ARSK: variants seen among roughly 807,000 people sequenced by gnomAD.
ARSK encodes the protein arylsulfatase family member K, also known as arylsulfatase K.
A neutral mutation model predicts 53.2 loss-of-function variants in ARSK; 37 were observed. The ratio of observed to expected loss-of-function variants is 0.70; its 90% CI spans 0.54 to 0.92. ARSK has a LOEUF of 0.92. ARSK is among the 40% of genes least tolerant of loss of function. The pLI is 0.00. For synonymous variants in ARSK, 208 were observed against 223.2 expected, an observed-to-expected ratio of 0.93 and a Z score of 0.61; for missense variants, 613 against 643.0, an observed-to-expected ratio of 0.95 and a Z score of 0.51.
At chr5:95,573,963 C>A (rs186909933) in intron 3 of ARSK, among the ~76,000 whole-genome samples, 1 of 152,186 alleles carries the variant, frequency 6.6e-6, no homozygotes, top group Admixed American at 6.5e-5. Context: ...AGATCTTATC[C>A]TTTCCATTTT....
At chr5:95,579,233 A>G (rs1580222744) in intron 3 of ARSK, among the ~76,000 whole-genome samples, 1 of 152,128 alleles carries the variant, frequency 6.6e-6, no homozygotes, top group South Asian at 2.1e-4. Flanking sequence ...GCCCTTTGTG[A>G]TTCAGTGAGT....
In ARSK at chr5:95,603,637, C is replaced by A; in HGVS notation, c.*111C>A. On this transcript the variant is annotated 3_prime_UTR_variant, in exon 8 of 8. Coordinates refer to ENST00000380009, the MANE Select transcript of ARSK (RefSeq NM_198150.3). Reference sequence around the variant, plus strand: ...ATAATTACCAAGTTTTGGCCGGGCACAGTGGCTCACACCTGTAATCCCAGG... The same window carrying A: ...ATAATTACCAAGTTTTGGCCGGGCAAAGTGGCTCACACCTGTAATCCCAGG... The A allele has an allele frequency of 2.1e-6, 2 of 972,346 alleles. No individual in the cohort carries two copies. The highest frequency in any genetic ancestry group is 2.8e-6 in the Non-Finnish European group (2 of 703,266). The allele number at this position is 972,346 out of a possible 1,614,324, so 60.2% of individuals were successfully genotyped here. A position where few individuals can be genotyped will look rare whatever the true frequency, so the allele number is the denominator to read the frequency against.
intron 1 of ARSK, among the ~76,000 whole-genome samples, chr5:95,558,978 TA>T (rs1748580968): frequency 1.3e-5 from 2 of 152,148 alleles, no homozygotes; most frequent in Admixed American, 1.3e-4. Flanking sequence ...CTGTCTCTAC[TA>T]AAAATACAAA....
chr5:95,582,637 G>T (rs1287672755), intron 3 of ARSK, among the ~76,000 whole-genome samples: 1 of 152,088 alleles, frequency 6.6e-6, no homozygotes, highest in Admixed American at 6.6e-5. Flanking sequence ...GAAACATTTT[G>T]TTTAAATATC....
At chr5:95,593,290 G>A (rs1197172334) in intron 6 of ARSK, among the ~76,000 whole-genome samples, 1 of 152,004 alleles carries the variant, frequency 6.6e-6, no homozygotes, top group Admixed American at 6.6e-5. Context: ...AAGCTGGGGT[G>A]ATTCTTTCTC....
chr5:95,566,980 A>G (rs10062603), intron 2 of ARSK, among the ~76,000 whole-genome samples: 232 of 152,344 alleles, frequency 1.5e-3, no homozygotes, highest in African/African-American at 5.4e-3. Flanking sequence ...AGGACCAGGC[A>G]TATTAAAAAA....
At chr5:95,557,734 T>A (rs1257480835) in intron 1 of ARSK, among the ~76,000 whole-genome samples, 3 of 152,246 alleles carry the variant, frequency 2.0e-5, no homozygotes, top group Non-Finnish European at 4.4e-5. Flanking sequence ...TTAAGCTGGA[T>A]AATAATTGTA....
Position 95,603,472 on chromosome 5 carries a change from T to C in ARSK, c.1557T>C (p.Tyr519=), listed in dbSNP as rs186126738. 57 of 1,612,852 alleles carry C rather than the reference T, an allele frequency of 3.5e-5. No individual in the cohort carries two copies. The East Asian group carries it at 1.2e-3, about 34-fold the overall frequency. ...HQDWQKEPRK[Y]ENAIDQWLKT... ...ACTGGCAGAAGGAACCAAGGAAGTA[T>C]GAAAATGCAATTGATCAGTGGCTTA... is the stretch of plus-strand genomic sequence containing the variant. Residue 519 remains tyrosine (Y), a synonymous_variant, in exon 8 of 8, where the codon TAT becomes TAC. Transcript: ENST00000380009.
chr5:95,571,118 T>G (rs1292850215), intron 3 of ARSK, among the ~76,000 whole-genome samples: 1 of 152,268 alleles, frequency 6.6e-6, no homozygotes, highest in African/African-American at 2.4e-5. Flanking sequence ...GCATTGCTAG[T>G]TACTTTATGG....
intron 4 of ARSK, among the ~76,000 whole-genome samples, chr5:95,586,175 T>C (rs978504702): frequency 6.6e-6 from 1 of 152,168 alleles, no homozygotes; most frequent in Non-Finnish European, 1.5e-5. Context: ...TACTAGTGAA[T>C]TATTGGAGAA....
chr5:95,555,371 G>A lies in ARSK; in HGVS notation c.93G>A (p.Ala31=), dbSNP rs1329553314. Residue 31 remains alanine, a synonymous_variant, in exon 1 of 8, where the codon GCG becomes GCA. Coordinates refer to ENST00000380009, the MANE Select transcript of ARSK (RefSeq NM_198150.3). This position sits in a 1 kb window ranked among gnomAD's most constrained non-coding sequence, Gnocchi z 4.0. The part of the protein sequence containing the change: ...AGEQRRRAAK[A]PNVVLVVSDS... ...AGCAGAGGCGGAGAGCAGCCAAAGC[G>A]CCCAATGTGGTGCTGGTCGTGAGCG... 1 of 1,610,544 alleles carries A rather than the reference G, an allele frequency of 6.2e-7. No homozygotes were observed. Among genetic ancestry groups the A allele is most frequent in the Non-Finnish European group, 8.5e-7 (1 of 1,179,210 alleles).
chr5:95,600,778 C>A, intron 6 of ARSK, 69 bp from the exon 7 acceptor site: 1 of 1,373,562 alleles, frequency 7.3e-7, no homozygotes, highest in Non-Finnish European at 1.0e-6. Context: ...GTGAATGATG[C>A]TATTTGTGAA....
chr5:95,584,444 C>T (rs996350423), intron 4 of ARSK, among the ~76,000 whole-genome samples: 1 of 152,168 alleles, frequency 6.6e-6, no homozygotes, highest in Non-Finnish European at 1.5e-5. Context: ...TTTAACAATA[C>T]TGTGATAACT....
At chr5:95,591,837 T>C (rs999911500) in intron 6 of ARSK, among the ~76,000 whole-genome samples, 3 of 152,182 alleles carry the variant, frequency 2.0e-5, no homozygotes, top group African/African-American at 7.2e-5. Context: ...ACTATAGTCA[T>C]TTTCCCTCAA....
Position 95,567,953 on chromosome 5 carries a change from C to G in ARSK, c.320C>G (p.Pro107Arg). Residue 107 changes from proline (P) to arginine (R), a missense_variant, in exon 3 of 8, where the codon CCA (proline) becomes CGA (arginine). Transcript: ENST00000380009. ...TGGAATAATTTTAAGGGTCTAGATCCAAATTATACAACATGGATGGATGTC... is the reference window on the plus strand; with the variant it reads ...TGGAATAATTTTAAGGGTCTAGATCGAAATTATACAACATGGATGGATGTC... ...ESWNNFKGLD[P>R]NYTTWMDVME... The G allele has an allele frequency of 1.2e-6, 2 of 1,613,212 alleles. No individual in the cohort carries two copies. The highest frequency in any genetic ancestry group is 1.7e-6 in the Non-Finnish European group (2 of 1,179,626).
At chr5:95,597,844 A>G (rs372965866) in intron 6 of ARSK, among the ~76,000 whole-genome samples, 2 of 149,066 alleles carry the variant, frequency 1.3e-5, no homozygotes, top group Non-Finnish European at 3.0e-5. Context: ...CAGTGAGCCA[A>G]GATTGCGCCA....
intron 1 of ARSK, among the ~76,000 whole-genome samples, chr5:95,561,284 A>G (rs1182825192): frequency 6.6e-6 from 1 of 152,218 alleles, no homozygotes; most frequent in Non-Finnish European, 1.5e-5. Context: ...GATGGCAACA[A>G]TGTGGAGGAA....
chr5:95,569,612 A>G (rs1456760898), intron 3 of ARSK, among the ~76,000 whole-genome samples: 1 of 152,208 alleles, frequency 6.6e-6, no homozygotes, highest in Non-Finnish European at 1.5e-5. Flanking sequence ...AGGCAAGGAA[A>G]AATTCTGCCA....
intron 5 of ARSK, among the ~76,000 whole-genome samples, chr5:95,588,885 C>T (rs971825682): frequency 1.3e-5 from 2 of 152,070 alleles, no homozygotes; most frequent in African/African-American, 2.4e-5. Flanking sequence ...TCACTTGAAC[C>T]CGGGAGGCGG....
Sources: allele counts gnomAD v4.1 joint callset (sites outside exome capture counted in the v4.1 genomes callset), GRCh38; gene constraint gnomAD v4.1.1; non-coding constraint Gnocchi (gnomAD v3.1); transcripts MANE v1.5; gene names NCBI Gene and HGNC (gene_info 2026-07-23, HGNC 2026-07-21).